The following HMCN2 variants were observed in gnomAD, a reference collection of about 807,000 sequenced individuals.
The protein encoded by HMCN2 is hemicentin-2.
A neutral mutation model predicts 377.5 loss-of-function variants in HMCN2; 325 were observed. That is an observed-to-expected ratio of 0.86 (90% CI 0.79 to 0.94). The LOEUF (loss-of-function observed/expected upper bound fraction) is 0.94. HMCN2 is among the 40% of genes least tolerant of loss of function. The probability of loss-of-function intolerance (pLI) is 0.00; values close to 1 mark genes in which losing one functional copy is unlikely to be tolerated. For missense variants in HMCN2, 4,543 were observed against 4,725.3 expected, an observed-to-expected ratio of 0.96 and a Z score of 1.13; for synonymous variants, 2,007 against 2,046.8, an observed-to-expected ratio of 0.98 and a Z score of 0.53.
chr9:130,431,278 G>A (rs897362418), intron 95 of HMCN2, 89 bp from the exon 96 acceptor site: 17 of 1,314,722 alleles, frequency 1.3e-5, no homozygotes, highest in Admixed American at 4.1e-5. Flanking sequence ...AGAGCCCAGC[G>A]GGCAGGTGTG....
chr9:130,305,671 G>C (rs141167510), intron 11 of HMCN2, among the ~76,000 whole-genome samples: 1 of 152,162 alleles, frequency 6.6e-6, no homozygotes, highest in Non-Finnish European at 1.5e-5. Flanking sequence ...CTGGATGCGC[G>C]GGCCTGTGAG....
intron 54 of HMCN2, among the ~76,000 whole-genome samples, chr9:130,380,794 A>C (rs903523774): frequency 1.7e-4 from 24 of 142,388 alleles, no homozygotes; most frequent in African/African-American, 5.8e-4. Flanking sequence ...CAAAAAAAGA[A>C]AAAAAAAAAA....
At chr9:130,269,375 G>A (rs1249999457) in intron 1 of HMCN2, among the ~76,000 whole-genome samples, 2 of 136,760 alleles carry the variant, frequency 1.5e-5, no homozygotes, top group Non-Finnish European at 3.2e-5. Context: ...AAACTCTCTT[G>A]TAAAAATCTT....
At chr9:130,410,364 T>C (rs1843344243) in intron 84 of HMCN2, among the ~76,000 whole-genome samples, 1 of 152,092 alleles carries the variant, frequency 6.6e-6, no homozygotes. Context: ...TGTTTTCGGG[T>C]GTGAAAAGGG....
chr9:130,294,757 T>C, intron 4 of HMCN2, 98 bp from the exon 5 acceptor site: 1 of 346,818 alleles, frequency 2.9e-6, no homozygotes. Flanking sequence ...TGGGGTGGCC[T>C]TGGGCGACCT....
chr9:130,382,133 T>G, intron 54 of HMCN2, 51 bp from the exon 55 acceptor site: 2 of 847,522 alleles, frequency 2.4e-6, no homozygotes, highest in Non-Finnish European at 2.8e-6. Flanking sequence ...TCTTTGCTCT[T>G]GGGGGTGACT....
At chr9:130,321,760 A>G (rs36147344) in intron 18 of HMCN2, 27 bp from the exon 19 acceptor site, 54,505 of 152,072 alleles carry the variant, frequency 0.36, 9,966 homozygotes, top group Non-Finnish European at 0.36. Context: ...GCCCAAGGCT[A>G]AGCTGGTGCT....
Position 130,428,937 on chromosome 9 carries a change from G to C in HMCN2, c.14197+448G>C, listed in dbSNP as rs1023267274. Among the ~76,000 whole-genome samples the C allele has an allele frequency of 6.6e-6, 1 of 152,306 alleles. No homozygotes were observed. The highest frequency in any genetic ancestry group is 1.9e-4 in the East Asian group (1 of 5,178). ...TAAAACTTAGGTGCCACCCCTGGAT[G>C]GGTGACCTCAATGGTCCTTCCTGCT... On this transcript the variant is annotated intron_variant, in intron 93 of 97. Coordinates refer to ENST00000683500, the MANE Select transcript of HMCN2 (RefSeq NM_001291815.2). This position sits in a 1 kb window ranked among gnomAD's most constrained non-coding sequence, Gnocchi z 5.0.
rs909671123 is a variant in HMCN2, at chr9:130,338,785, C to A, written c.3487+764C>A. ...AGGGCCCAATCTGCCCTCCTGTTTT[C>A]AGAGATCATGAGCCAGTGAAGAATG... On this transcript the variant is annotated intron_variant, in intron 23 of 97. Coordinates refer to ENST00000683500, the MANE Select transcript of HMCN2 (RefSeq NM_001291815.2). Among the ~76,000 whole-genome samples the A allele has an allele frequency of 3.3e-5, 5 of 152,228 alleles. No homozygotes were observed. In the South Asian group the frequency reaches 1.0e-3, roughly 31 times the overall value.
Position 130,266,143 on chromosome 9 carries a change from GC to G in HMCN2, c.259+11del. The G allele has an allele frequency of 2.2e-6, 1 of 462,458 alleles. No individual in the cohort carries two copies. 28.6% of individuals were successfully genotyped at this position (462,458 alleles called of 1,614,324 possible). ...GGTGCCCTTCCACGACCCAGGTAGC[GC>G]CCCCGCACCCCCGCCCGCCGGGCGC... On this transcript the variant is annotated splice_region_variant and intron_variant, in intron 1 of 97. Coordinates refer to ENST00000683500, the MANE Select transcript of HMCN2 (RefSeq NM_001291815.2).
Position 130,408,788 on chromosome 9 carries a change from C to G in HMCN2, c.12734C>G (p.Pro4245Arg). 1 of 1,289,706 alleles carries G rather than the reference C, an allele frequency of 7.8e-7. No homozygotes were observed. The highest frequency in any genetic ancestry group is 1.0e-6 in the Non-Finnish European group (1 of 988,798). 79.9% of individuals were successfully genotyped at this position (1,289,706 alleles called of 1,614,324 possible). Residue 4245 changes from proline to arginine, a missense_variant, in exon 84 of 98, where the codon CCT (proline) becomes CGT (arginine). This residue lies in a region of HMCN2 where 1,073 missense variants were observed against 1,319.5 expected (regional missense o/e 0.81). Coordinates refer to ENST00000683500, the MANE Select transcript of HMCN2 (RefSeq NM_001291815.2). The stretch of plus-strand genomic sequence containing the variant: ...GAGGCTTTCTCCTACCTGGTGGAAC[C>G]TGTAGGAGGCAGCATTCAGCTAGAC... ...QGEAFSYLVE[P>R]VGGSIQLDCV...
At chr9:130,378,404 G>A (rs1442065181) in intron 53 of HMCN2, among the ~76,000 whole-genome samples, 1 of 83,436 alleles carries the variant, frequency 1.2e-5, no homozygotes, top group African/African-American at 5.1e-5. Context: ...GGGAGGGGGA[G>A]GCAGGGAGGC....
intron 41 of HMCN2, among the ~76,000 whole-genome samples, chr9:130,365,280 C>T (rs1166085909): frequency 6.6e-6 from 1 of 152,278 alleles, no homozygotes; most frequent in Non-Finnish European, 1.5e-5. Context: ...CATTCCTCCA[C>T]CTTCTCTTCG....
chr9:130,355,994 C>T, intron 33 of HMCN2, 94 bp from the exon 34 acceptor site: 1 of 943,818 alleles, frequency 1.1e-6, no homozygotes, highest in Non-Finnish European at 1.4e-6. Flanking sequence ...CTGGTGAGAG[C>T]AGGTGGGAGG....
At chr9:130,266,496 C>T (rs569030416) in intron 1 of HMCN2, among the ~76,000 whole-genome samples, 19 of 152,250 alleles carry the variant, frequency 1.2e-4, no homozygotes, top group Non-Finnish European at 1.9e-4. Context: ...ATGAGGCATT[C>T]CTCTCGAGGA....
chr9:130,416,959 C>CTGGAGT (rs1843727659), intron 85 of HMCN2, among the ~76,000 whole-genome samples: 1 of 151,894 alleles, frequency 6.6e-6, no homozygotes, highest in South Asian at 2.1e-4. Context: ...GTTGCCCAGG[C>CTGGAGT]TGGAGTGCAG....
In HMCN2 at chr9:130,408,923, G is replaced by A. The variant is rs10793975; in HGVS notation, c.12869G>A (p.Arg4290His). 937,336 of 1,288,856 alleles carry A rather than the reference G, an allele frequency of 0.73. 346,128 individuals carry two copies. The highest frequency in any genetic ancestry group is 0.77 in the Non-Finnish European group (758,706 of 988,526). 79.8% of individuals were successfully genotyped at this position (1,288,856 alleles called of 1,614,324 possible). A position where few individuals can be genotyped will look rare whatever the true frequency, so the allele number is the denominator to read the frequency against. Residue 4290 changes from arginine to histidine, a missense_variant, in exon 84 of 98, where the codon CGC becomes CAC. This residue lies in a region of HMCN2 where 1,155 missense variants were observed against 1,157.7 expected (regional missense o/e 1.00). Coordinates refer to ENST00000683500, the MANE Select transcript of HMCN2 (RefSeq NM_001291815.2). ...HQLQNGSLTI[R>H]RTERDDAGRY... ...CTGCAGAATGGCTCGCTGACCATCCGCAGGACTGAGGCAAGGCGGGGCCTG... is the reference window on the plus strand; with the variant it reads ...CTGCAGAATGGCTCGCTGACCATCCACAGGACTGAGGCAAGGCGGGGCCTG...
At chr9:130,276,988 G>A (rs114277773) in intron 1 of HMCN2, among the ~76,000 whole-genome samples, 227 of 152,342 alleles carry the variant, frequency 1.5e-3, no homozygotes, top group African/African-American at 5.3e-3. Context: ...AAGAGGCCTC[G>A]GCCTGAGATA....
At chr9:130,387,086 C>A (rs576971028) in intron 61 of HMCN2, among the ~76,000 whole-genome samples, 1 of 152,214 alleles carries the variant, frequency 6.6e-6, no homozygotes, top group Non-Finnish European at 1.5e-5. Flanking sequence ...CAGGAGGCCA[C>A]GTTACCTGCA....
Sources: gnomAD v4.1 joint callset for allele counts (sites outside exome capture counted in the v4.1 genomes callset) on GRCh38, gnomAD v4.1.1 for gene constraint, gnomAD v4.1.1 regional missense constraint, Gnocchi (gnomAD v3.1) non-coding constraint, MANE v1.5 for transcripts, NCBI Gene and HGNC (gene_info 2026-07-23, HGNC 2026-07-21) for gene names.